The following FGF7 variants were observed in gnomAD, a reference collection of about 807,000 sequenced individuals.
FGF7 encodes fibroblast growth factor 7.
FGF7 carries 6 observed loss-of-function variants against 20.5 expected under a neutral mutation model. That is an observed-to-expected ratio of 0.29 (90% CI 0.16 to 0.58). The LOEUF is 0.58. Ranked by LOEUF, FGF7 falls within the 20% of genes least tolerant of loss-of-function variation. The probability of loss-of-function intolerance (pLI) is 0.90; values close to 1 mark genes in which losing one functional copy is unlikely to be tolerated. For missense variants in FGF7, 144 were observed against 228.8 expected, an observed-to-expected ratio of 0.63 and a Z score of 2.39; for synonymous variants, 64 against 74.7, an observed-to-expected ratio of 0.86 and a Z score of 0.74.
intron 2 of FGF7, among the ~76,000 whole-genome samples, chr15:49,429,894 G>T (rs2050445396): frequency 6.6e-6 from 1 of 151,906 alleles, no homozygotes; most frequent in South Asian, 2.1e-4. Context: ...GTTCTCCAAT[G>T]ATTCTAAAGT....
chr15:49,449,381 T>C (rs374605125), intron 2 of FGF7, among the ~76,000 whole-genome samples: 1 of 152,072 alleles, frequency 6.6e-6, no homozygotes, highest in African/African-American at 2.4e-5. Flanking sequence ...AAGACAGTTA[T>C]ATTTCTATTT....
chr15:49,439,890 A>G (rs1292625782), intron 2 of FGF7, among the ~76,000 whole-genome samples: 1 of 151,798 alleles, frequency 6.6e-6, no homozygotes, highest in East Asian at 1.9e-4. Context: ...ATGAGATCAT[A>G]GAGTCCAGAG....
chr15:49,475,587 TAA>T (rs1310066831), intron 2 of FGF7, among the ~76,000 whole-genome samples: 1 of 149,862 alleles, frequency 6.7e-6, no homozygotes, highest in African/African-American at 2.5e-5. Flanking sequence ...AATATTATGC[TAA>T]CTTTATTATT....
At chr15:49,449,536 G>A (rs2052530754) in intron 2 of FGF7, among the ~76,000 whole-genome samples, 1 of 151,974 alleles carries the variant, frequency 6.6e-6, no homozygotes, top group African/African-American at 2.4e-5. Flanking sequence ...AAATTGCACA[G>A]GGTGGGGCCA....
chr15:49,448,078 C>T (rs1490898048), intron 2 of FGF7, among the ~76,000 whole-genome samples: 2 of 151,622 alleles, frequency 1.3e-5, no homozygotes, highest in African/African-American at 4.8e-5. Context: ...ACAAACTTAT[C>T]AGAACTTCAA....
chr15:49,464,830 G>A (rs1481698518), intron 2 of FGF7, among the ~76,000 whole-genome samples: 4 of 152,182 alleles, frequency 2.6e-5, no homozygotes, highest in South Asian at 2.1e-4. Flanking sequence ...CTTGCTTAGC[G>A]TTAATAAAAA....
chr15:49,455,834 T>A (rs1280194932), intron 2 of FGF7, among the ~76,000 whole-genome samples: 1 of 152,138 alleles, frequency 6.6e-6, no homozygotes, highest in East Asian at 1.9e-4. Context: ...TATTGGGTAT[T>A]ATTGAACCAT....
At chr15:49,479,076 C>T (rs1368186124) in intron 2 of FGF7, among the ~76,000 whole-genome samples, 2 of 151,942 alleles carry the variant, frequency 1.3e-5, no homozygotes, top group African/African-American at 4.8e-5. Flanking sequence ...AATTATTGAA[C>T]CAGAGGATAA....
chr15:49,431,062 T>C (rs925455211), intron 2 of FGF7, among the ~76,000 whole-genome samples: 30 of 151,988 alleles, frequency 2.0e-4, no homozygotes, highest in African/African-American at 5.8e-4. Context: ...AACATCACTA[T>C]TGGAATACAA....
chr15:49,429,973 G>A (rs1404842579), intron 2 of FGF7, among the ~76,000 whole-genome samples: 1 of 151,918 alleles, frequency 6.6e-6, no homozygotes, highest in Non-Finnish European at 1.5e-5. Flanking sequence ...CACCTCAGGG[G>A]TCTTGGGAAT....
intron 2 of FGF7, among the ~76,000 whole-genome samples, chr15:49,435,924 T>C (rs1050018371): frequency 2.6e-5 from 4 of 151,596 alleles, no homozygotes; most frequent in African/African-American, 9.7e-5. Flanking sequence ...AATGTAAGTA[T>C]ATAATTAATG....
chr15:49,432,265 A>G (rs927274621), intron 2 of FGF7, among the ~76,000 whole-genome samples: 8 of 151,702 alleles, frequency 5.3e-5, no homozygotes, highest in African/African-American at 1.9e-4. Flanking sequence ...TCTTAAGGTA[A>G]TATTTCCAAA....
At chr15:49,483,086 G>T in intron 2 of FGF7, 65 bp from the exon 3 acceptor site, 2 of 858,694 alleles carry the variant, frequency 2.3e-6, no homozygotes, top group Non-Finnish European at 3.9e-6. Flanking sequence ...AGAACAAATG[G>T]CCATTCGTGG....
chr15:49,463,868 TATC>T (rs1342122587), intron 2 of FGF7, among the ~76,000 whole-genome samples: 7 of 152,214 alleles, frequency 4.6e-5, no homozygotes, highest in Non-Finnish European at 2.9e-5. Context: ...AGCACAGAAA[TATC>T]GTTTTTTAGA....
chr15:49,440,774 T>G (rs925977840), intron 2 of FGF7, among the ~76,000 whole-genome samples: 2 of 151,696 alleles, frequency 1.3e-5, no homozygotes, highest in African/African-American at 4.8e-5. Flanking sequence ...GGACCTGAAC[T>G]CAGGGCTCTA....
At chr15:49,460,850 T>C (rs1597346934) in intron 2 of FGF7, among the ~76,000 whole-genome samples, 1 of 152,226 alleles carries the variant, frequency 6.6e-6, no homozygotes, top group Non-Finnish European at 1.5e-5. Flanking sequence ...GAACATTGTT[T>C]GTTTGATTAT....
chr15:49,478,458 C>A (rs1567356767), intron 2 of FGF7, among the ~76,000 whole-genome samples: 1 of 151,880 alleles, frequency 6.6e-6, no homozygotes, highest in Non-Finnish European at 1.5e-5. Context: ...AATCTATAGC[C>A]TTAAACATAA....
chr15:49,475,227 T>C (rs1207078327), intron 2 of FGF7, among the ~76,000 whole-genome samples: 1 of 152,226 alleles, frequency 6.6e-6, no homozygotes, highest in African/African-American at 2.4e-5. Flanking sequence ...AATAAAGTGT[T>C]ACTGAAAGAA....
chr15:49,465,949 C>T (rs960356376), intron 2 of FGF7, among the ~76,000 whole-genome samples: 1 of 152,060 alleles, frequency 6.6e-6, no homozygotes, highest in African/African-American at 2.4e-5. Context: ...GTACCAAGTA[C>T]TGGGGGTTAG....
Sources: allele counts gnomAD v4.1 joint callset (sites outside exome capture counted in the v4.1 genomes callset), GRCh38; gene constraint gnomAD v4.1.1; transcripts MANE v1.5; gene names NCBI Gene and HGNC (gene_info 2026-07-23, HGNC 2026-07-21).